Variants in ACOT1 observed in about 807,000 individuals in gnomAD.
ACOT1 encodes the protein acyl-CoA thioesterase 1, also known as acyl-coenzyme A thioesterase 1.
A neutral mutation model predicts 15.7 loss-of-function variants in ACOT1; 8 were observed. The ratio of observed to expected loss-of-function variants is 0.51; its 90% CI spans 0.30 to 0.92. ACOT1 has a LOEUF of 0.92. Among genes scored for constraint, ACOT1 ranks in the 40% least tolerant of loss-of-function variants. ACOT1 has a pLI of 0.06. For synonymous variants in ACOT1, 67 were observed against 241.2 expected (o/e 0.28, Z 6.69); for missense variants, 151 against 539.4 (o/e 0.28, Z 7.13).
At chr14:73,534,323 G>A (rs1183450548), upstream of ACOT1, among the ~76,000 whole-genome samples, 1 of 109,094 alleles carries the variant, frequency 9.2e-6, no homozygotes, top group Non-Finnish European at 2.0e-5. Context: ...AAGTTGCAGT[G>A]AGCCGAGATC....
chr14:73,524,418 G>A, the ACOT1 span, among the ~76,000 whole-genome samples: 3 of 147,364 alleles, frequency 2.0e-5, no homozygotes, highest in African/African-American at 7.6e-5. Flanking sequence ...CCAGATTTTA[G>A]CTAGCATGGC....
chr14:73,512,317 G>A, the ACOT1 span, among the ~76,000 whole-genome samples: 6 of 152,158 alleles, frequency 3.9e-5, no homozygotes, highest in South Asian at 1.0e-3. Context: ...TTATTTCTCT[G>A]ATGATCCATG....
chr14:73,538,942 T>A (rs1888977106), intron 1 of ACOT1, among the ~76,000 whole-genome samples: 1 of 115,308 alleles, frequency 8.7e-6, no homozygotes, highest in South Asian at 2.7e-4. Flanking sequence ...TACTCCAGCC[T>A]GGGGGACAAG....
chr14:73,501,445 G>A, the ACOT1 span, among the ~76,000 whole-genome samples: 1 of 151,738 alleles, frequency 6.6e-6, no homozygotes, highest in Non-Finnish European at 1.5e-5. Context: ...TTTAGAGATG[G>A]GGTCTTGCTA....
At chr14:73,492,516 A>C in the ACOT1 span, 1 of 1,613,622 alleles carries the variant, frequency 6.2e-7, no homozygotes, top group Non-Finnish European at 8.5e-7. This position sits in a 1 kb window ranked among gnomAD's most constrained non-coding sequence, Gnocchi z 4.9. Context: ...GTGGCCGACC[A>C]GCGAGCCAAA....
chr14:73,498,628 G>T, the ACOT1 span, among the ~76,000 whole-genome samples: 1 of 152,152 alleles, frequency 6.6e-6, no homozygotes, highest in East Asian at 1.9e-4. Context: ...GGGAAAGGAG[G>T]CACAATTATT....
the ACOT1 span, among the ~76,000 whole-genome samples, chr14:73,509,855 TA>T: frequency 1.4e-5 from 1 of 69,514 alleles, no homozygotes; most frequent in Non-Finnish European, 3.0e-5. Context: ...TATATATATA[TA>T]TATATATATA....
At chr14:73,541,307 T>C (rs1164888373) in intron 1 of ACOT1, among the ~76,000 whole-genome samples, 186 bp from the exon 2 acceptor site, 2 of 112,194 alleles carry the variant, frequency 1.8e-5, no homozygotes, top group African/African-American at 3.0e-5. Flanking sequence ...CTACAATGAA[T>C]AAAGTCACTA....
At chr14:73,518,840 G>T in the ACOT1 span, among the ~76,000 whole-genome samples, 1 of 152,288 alleles carries the variant, frequency 6.6e-6, no homozygotes, top group South Asian at 2.1e-4. Context: ...GCTCTTCCTA[G>T]TTATAGTTAG....
the ACOT1 span, among the ~76,000 whole-genome samples, chr14:73,519,689 A>G: frequency 6.6e-6 from 1 of 152,158 alleles, no homozygotes; most frequent in African/African-American, 2.4e-5. Flanking sequence ...ACTGCACTCC[A>G]GCCTAGGCAA....
chr14:73,532,058 T>C, the ACOT1 span, among the ~76,000 whole-genome samples: 1 of 114,156 alleles, frequency 8.8e-6, no homozygotes, highest in South Asian at 2.8e-4. Flanking sequence ...AAAAACCCTC[T>C]AGATGTATGC....
the ACOT1 span, among the ~76,000 whole-genome samples, chr14:73,506,957 C>T: frequency 4.6e-5 from 7 of 151,722 alleles, no homozygotes; most frequent in Non-Finnish European, 1.0e-4. Context: ...CCTGCCACCA[C>T]GCCCGGTTAA....
At chr14:73,500,665 T>C in the ACOT1 span, 1 of 1,614,176 alleles carries the variant, frequency 6.2e-7, no homozygotes, top group Non-Finnish European at 8.5e-7. Context: ...GGTCATAAGC[T>C]TGAGCTCACC....
the ACOT1 span, chr14:73,491,017 C>T: frequency 1.3e-6 from 2 of 1,495,052 alleles, no homozygotes; most frequent in Non-Finnish European, 8.9e-7. Flanking sequence ...GTGGTCTGGC[C>T]ATGGATGGGC....
the ACOT1 span, among the ~76,000 whole-genome samples, chr14:73,507,718 G>A: frequency 6.6e-6 from 1 of 151,950 alleles, no homozygotes. Flanking sequence ...TTACAGGCGT[G>A]AGCGACCATG....
At chr14:73,512,172 A>T in the ACOT1 span, 1 of 1,613,690 alleles carries the variant, frequency 6.2e-7, no homozygotes, top group Non-Finnish European at 8.5e-7. Context: ...GAGGGAAATG[A>T]AAAGAGAACC....
the ACOT1 span, among the ~76,000 whole-genome samples, chr14:73,501,649 T>C: frequency 6.7e-6 from 1 of 149,674 alleles, no homozygotes; most frequent in African/African-American, 2.5e-5. Context: ...TGATGGCTCA[T>C]GACAGCTTTG....
the ACOT1 span, among the ~76,000 whole-genome samples, chr14:73,508,681 G>A: frequency 6.0e-5 from 9 of 149,218 alleles, no homozygotes; most frequent in African/African-American, 2.0e-4. Context: ...CCCAGGAGGC[G>A]GAGGTTGCAG....
At chr14:73,524,948 T>C in the ACOT1 span, among the ~76,000 whole-genome samples, 2 of 152,190 alleles carry the variant, frequency 1.3e-5, no homozygotes, top group African/African-American at 4.8e-5. Flanking sequence ...ATGATTTCTC[T>C]TACTGTCTTC....
Sources: gnomAD v4.1 joint callset for allele counts (sites outside exome capture counted in the v4.1 genomes callset) on GRCh38, gnomAD v4.1.1 for gene constraint, Gnocchi (gnomAD v3.1) non-coding constraint, MANE v1.5 for transcripts, NCBI Gene and HGNC (gene_info 2026-07-23, HGNC 2026-07-21) for gene names.